The following CELF2 variants were observed in gnomAD, a reference collection of about 807,000 sequenced individuals.
CELF2 encodes the protein CUG triplet repeat RNA-binding protein 2.
A neutral mutation model predicts 62.6 loss-of-function variants in CELF2; 8 were observed. The observed-to-expected ratio is 0.13, with a 90% CI of 0.07 to 0.23. CELF2 has a LOEUF of 0.23. Ranked by LOEUF, CELF2 falls within the 10% of genes least tolerant of loss-of-function variation. The pLI, the probability that CELF2 is intolerant of heterozygous loss-of-function variation, is 1.00. For synonymous variants in CELF2, 258 were observed against 250.0 expected (o/e 1.03, Z -0.30); for missense variants, 333 against 671.0 (o/e 0.50, Z 5.56).
the CELF2 span, among the ~76,000 whole-genome samples, chr10:10,505,680 C>T: frequency 6.6e-6 from 1 of 152,178 alleles, no homozygotes; most frequent in Admixed American, 6.5e-5. Flanking sequence ...CCCACTCAGC[C>T]TCTGCTACTA....
chr10:10,556,274 T>C, the CELF2 span, among the ~76,000 whole-genome samples: 4,007 of 150,266 alleles, frequency 0.027, 142 homozygotes, highest in East Asian at 0.13. Flanking sequence ...TGAGTGACAA[T>C]ATCTGGTGTT....
chr10:10,584,441 T>C, the CELF2 span, among the ~76,000 whole-genome samples: 3 of 152,370 alleles, frequency 2.0e-5, no homozygotes, highest in Non-Finnish European at 4.4e-5. Flanking sequence ...ATGGTTGAAG[T>C]GTGGCCGCTG....
At chr10:10,851,893 A>G (rs1043920573) in intron 1 of CELF2, among the ~76,000 whole-genome samples, 2 of 152,232 alleles carry the variant, frequency 1.3e-5, no homozygotes, top group South Asian at 2.1e-4. Flanking sequence ...AATGGAAACT[A>G]GTGACCTGTT....
the CELF2 span, among the ~76,000 whole-genome samples, chr10:10,630,126 C>T: frequency 6.6e-6 from 1 of 152,090 alleles, no homozygotes; most frequent in Non-Finnish European, 1.5e-5. Context: ...CGAATGCTTC[C>T]TCTAATGCAA....
the CELF2 span, among the ~76,000 whole-genome samples, chr10:10,565,546 T>C: frequency 1.3e-5 from 2 of 152,230 alleles, no homozygotes; most frequent in African/African-American, 2.4e-5. Context: ...CCGCTCCTTA[T>C]TCTAACTTTT....
chr10:11,069,105 A>G (rs191203249), intron 1 of CELF2, among the ~76,000 whole-genome samples: 94 of 152,346 alleles, frequency 6.2e-4, no homozygotes, highest in African/African-American at 2.0e-3. Context: ...GGCTGATGCA[A>G]TAGTGAAGTG....
intron 1 of CELF2, among the ~76,000 whole-genome samples, chr10:10,888,160 G>A (rs2061886398): frequency 6.6e-6 from 1 of 152,224 alleles, no homozygotes; most frequent in Admixed American, 6.5e-5. Context: ...GGATGACATA[G>A]CAAATGATTT....
In CELF2 at chr10:11,224,323, A is replaced by G. The variant is rs1315566830; in HGVS notation, c.354+6816A>G. ...CAGATTTGCAAAAGTGCCTTGTGTCATTGCTTGAGGGATACTGGTATCTCA... is the reference window on the plus strand; with the variant it reads ...CAGATTTGCAAAAGTGCCTTGTGTCGTTGCTTGAGGGATACTGGTATCTCA... On this transcript the variant is annotated intron_variant, in intron 3 of 12. Transcript: ENST00000633077. The surrounding 1 kb of genome is among the most constrained non-coding windows in gnomAD (Gnocchi z 4.5). Among the ~76,000 whole-genome samples the G allele has an allele frequency of 6.6e-6, 1 of 152,262 alleles. No homozygotes were observed. Among genetic ancestry groups the G allele is most frequent in the East Asian group, 1.9e-4 (1 of 5,176 alleles).
rs114625927 is a variant in CELF2 at position 11,100,540 on chromosome 10, C to G, written c.75-64946C>G. On this transcript the variant is annotated intron_variant, in intron 1 of 12. Transcript: ENST00000633077. ...TTTCATTTCCTAGAGGGTATACCCTCTAGGAAATGAAAAGGGAACTTTCAG... is the reference window on the plus strand; with the variant it reads ...TTTCATTTCCTAGAGGGTATACCCTGTAGGAAATGAAAAGGGAACTTTCAG... Among the ~76,000 whole-genome samples the G allele has an allele frequency of 9.1e-3, 1,370 of 150,684 alleles. 18 individuals carry two copies. Among genetic ancestry groups the G allele is most frequent in the African/African-American group, 0.032 (1,312 of 41,094 alleles).
At chr10:10,737,139 C>CTACTTTAATG in the CELF2 span, among the ~76,000 whole-genome samples, 2 of 152,138 alleles carry the variant, frequency 1.3e-5, no homozygotes, top group Non-Finnish European at 2.9e-5. Context: ...TTGGCAATTT[C>CTACTTTAATG]TACTTTAATG....
rs2096057148 is a variant in CELF2 at position 11,332,972 on chromosome 10, A to C, written c.*3919A>C. 1 of 152,650 alleles carries C rather than the reference A, an allele frequency of 6.6e-6. No individual in the cohort carries two copies. The highest frequency in any genetic ancestry group is 1.5e-5 in the Non-Finnish European group (1 of 68,026). The allele number at this position is 152,650 out of a possible 1,614,324, so 9.5% of individuals were successfully genotyped here. ...CGACACGTACCACGTACGTGGAAAC[A>C]CAAGAGCCCACCACTTGAATTTCTA... is the stretch of plus-strand genomic sequence containing the variant. On this transcript the variant is annotated 3_prime_UTR_variant, in exon 13 of 13. Transcript: ENST00000633077.
the CELF2 span, among the ~76,000 whole-genome samples, chr10:10,703,332 C>T: frequency 2.6e-5 from 4 of 152,318 alleles, no homozygotes; most frequent in Admixed American, 2.6e-4. Context: ...TCCGTGTTCA[C>T]TTGAGAATTC....
chr10:10,546,484 A>C, the CELF2 span, among the ~76,000 whole-genome samples: 2,471 of 152,268 alleles, frequency 0.016, 67 homozygotes, highest in African/African-American at 0.055. Flanking sequence ...GGTAGATGAA[A>C]CTTGTGTCTT....
the CELF2 span, among the ~76,000 whole-genome samples, chr10:10,639,701 C>T: frequency 6.6e-6 from 1 of 151,976 alleles, no homozygotes; most frequent in Non-Finnish European, 1.5e-5. Flanking sequence ...TTCGTGTAGG[C>T]TTTTATTGGG....
chr10:11,183,640 T>A (rs1163038249), intron 2 of CELF2, among the ~76,000 whole-genome samples: 1 of 152,234 alleles, frequency 6.6e-6, no homozygotes, highest in Non-Finnish European at 1.5e-5. Flanking sequence ...CCCCTTCTAA[T>A]CTGTGTGTAG....
chr10:11,257,336 C>CAAAAAAAAA (rs61363639), intron 4 of CELF2, among the ~76,000 whole-genome samples: 22 of 114,674 alleles, frequency 1.9e-4, no homozygotes, highest in Middle Eastern at 5.0e-3. Context: ...AGACCATCTA[C>CAAAAAAAAA]AAAAAAAAAA....
chr10:10,981,068 C>G (rs764474084), intron 2 of CELF2, among the ~76,000 whole-genome samples: 1 of 152,152 alleles, frequency 6.6e-6, no homozygotes, highest in East Asian at 1.9e-4. Flanking sequence ...CAGAGAGAAC[C>G]CTTCTGCCAT....
chr10:10,887,933 G>A (rs1426521094), intron 1 of CELF2, among the ~76,000 whole-genome samples: 4 of 152,024 alleles, frequency 2.6e-5, no homozygotes, highest in South Asian at 2.1e-4. Flanking sequence ...CACCACACGC[G>A]GCTAATTTTT....
intron 1 of CELF2, among the ~76,000 whole-genome samples, chr10:11,147,247 A>G (rs937348485): frequency 6.6e-6 from 1 of 152,156 alleles, no homozygotes; most frequent in Non-Finnish European, 1.5e-5. Context: ...TTTGTGAAGG[A>G]TGATACTTTG....
Sources: allele counts gnomAD v4.1 joint callset (sites outside exome capture counted in the v4.1 genomes callset), GRCh38; gene constraint gnomAD v4.1.1; non-coding constraint Gnocchi (gnomAD v3.1); transcripts MANE v1.5; gene names NCBI Gene and HGNC (gene_info 2026-07-23, HGNC 2026-07-21).